PDGFA: variants seen among roughly 807,000 people sequenced by gnomAD.
PDGFA encodes the protein platelet derived growth factor subunit A.
A neutral mutation model predicts 25.6 loss-of-function variants in PDGFA; 9 were observed. That is an observed-to-expected ratio of 0.35 (90% CI 0.21 to 0.61). PDGFA has a LOEUF of 0.61. Among genes scored for constraint, PDGFA ranks in the 20% least tolerant of loss-of-function variants. The pLI is 0.75. For synonymous variants in PDGFA, 133 were observed against 111.8 expected, an observed-to-expected ratio of 1.19 and a Z score of -1.20; for missense variants, 242 against 272.8, an observed-to-expected ratio of 0.89 and a Z score of 0.79.
chr7:511,114 T>C, intron 3 of PDGFA, 118 bp from the exon 4 acceptor site: 1 of 754,014 alleles, frequency 1.3e-6, no homozygotes, highest in East Asian at 2.7e-5. Flanking sequence ...CAGGCCAGGA[T>C]TCCTCCCAGG....
chr7:511,326 A>T lies in PDGFA; in HGVS notation c.266-330T>A, dbSNP rs13234435. 3.9e-3 allele frequency among the ~76,000 whole-genome samples: 300 copies of T among 76,074 alleles called. 11 individuals carry two copies. Among genetic ancestry groups the T allele is most frequent in the African/African-American group, 0.015 (143 of 9,338 alleles). 49.9% of individuals were successfully genotyped at this position (76,074 alleles called of 152,430 possible). On this transcript the variant is annotated intron_variant, in intron 3 of 5. Transcript: ENST00000402802. ...GGGAACTTAGTCCAGGTGGGGCCAG[A>T]GACTGGGGGTGGGGAGAGGGGAACC...
intron 4 of PDGFA, among the ~76,000 whole-genome samples, chr7:503,895 G>A (rs1261760893): frequency 1.3e-5 from 2 of 152,144 alleles, no homozygotes; most frequent in Non-Finnish European, 2.9e-5. Flanking sequence ...GAGAGAAAGC[G>A]GCCAGGACAC....
chr7:520,264 C>G (rs915941076), upstream of PDGFA: 5 of 192,344 alleles, frequency 2.6e-5, no homozygotes, highest in Admixed American at 1.3e-4. Flanking sequence ...GGCCAGAGAG[C>G]CGGTCCCCGC....
chr7:505,088 G>T (rs1243196083), intron 4 of PDGFA, among the ~76,000 whole-genome samples: 1 of 152,224 alleles, frequency 6.6e-6, no homozygotes, highest in East Asian at 1.9e-4. Flanking sequence ...CCTCTGTCTG[G>T]CCAGGAAATA....
chr7:516,399 CT>C (rs1783102275), intron 2 of PDGFA, among the ~76,000 whole-genome samples: 1 of 152,188 alleles, frequency 6.6e-6, no homozygotes, highest in African/African-American at 2.4e-5. Flanking sequence ...CATGCCCCCC[CT>C]TTTTCAGAGT....
intron 2 of PDGFA, chr7:512,804 G>A: frequency 1.9e-6 from 1 of 522,612 alleles, no homozygotes; most frequent in Non-Finnish European, 3.0e-6. Context: ...GGTGAGGGCT[G>A]CCCCGGGGCA....
chr7:507,586 C>A (rs772613875), intron 4 of PDGFA, among the ~76,000 whole-genome samples: 1 of 152,208 alleles, frequency 6.6e-6, no homozygotes, highest in Non-Finnish European at 1.5e-5. Context: ...CTGCACAAGG[C>A]TGAGCCATGG....
At chr7:505,200 A>G (rs1199600006) in intron 4 of PDGFA, among the ~76,000 whole-genome samples, 1 of 152,190 alleles carries the variant, frequency 6.6e-6, no homozygotes, top group Admixed American at 6.5e-5. Context: ...CAATGTCCTC[A>G]GGACCCCCAC....
At chr7:502,361 C>CT (rs1198021210) in intron 4 of PDGFA, among the ~76,000 whole-genome samples, 1 of 102,746 alleles carries the variant, frequency 9.7e-6, no homozygotes, top group Admixed American at 9.5e-5. Flanking sequence ...CACCTCCCCG[C>CT]CGGCCCCAGG....
chr7:497,899 C>G (rs545380331), exon 6 of PDGFA: 16 of 21,990 alleles, frequency 7.3e-4, no homozygotes, highest in African/African-American at 2.5e-3. Context: ...AAAAGCTAGC[C>G]AAAGAGTAAA....
At chr7:499,782 T>C (rs2128388860) in intron 5 of PDGFA, among the ~76,000 whole-genome samples, 1 of 136,834 alleles carries the variant, frequency 7.3e-6, no homozygotes, top group South Asian at 2.4e-4. Context: ...TCTGGAGCTT[T>C]AGCAGCCACC....
intron 2 of PDGFA, chr7:512,767 C>T: frequency 1.1e-6 from 1 of 886,652 alleles, no homozygotes; most frequent in East Asian, 5.1e-5. Flanking sequence ...GTGGTCTCCC[C>T]TACGGTGCCT....
chr7:499,534 G>A (rs923685924), intron 5 of PDGFA, among the ~76,000 whole-genome samples: 4 of 152,234 alleles, frequency 2.6e-5, no homozygotes, highest in Admixed American at 6.5e-5. Flanking sequence ...GGACCAGGAA[G>A]GCTTGAAACT....
At chr7:519,013 G>A (rs913293764) in exon 1 of PDGFA, 5 of 1,526,746 alleles carry the variant, frequency 3.3e-6, no homozygotes, top group African/African-American at 1.4e-5. Context: ...GCGTCCCGAG[G>A]CGCTGGCTGC....
In PDGFA at chr7:501,710, G is replaced by A. The variant is rs185573007; in HGVS notation, c.454-468C>T. On this transcript the variant is annotated intron_variant, in intron 4 of 5. Transcript: ENST00000402802. The stretch of plus-strand genomic sequence containing the variant: ...AGTGCTGGAACTTCAAGTGAGAGCC[G>A]CCGCGCCTGGTGTTGGAGCATGGTA... Among the ~76,000 whole-genome samples the A allele has an allele frequency of 6.7e-3, 1,020 of 152,200 alleles. 13 individuals carry two copies. Among genetic ancestry groups the A allele is most frequent in the South Asian group, 0.04 (193 of 4,824 alleles).
exon 3 of PDGFA, chr7:512,417 C>G (rs144981584): frequency 2.5e-6 from 4 of 1,613,692 alleles, no homozygotes; most frequent in Non-Finnish European, 8.5e-7. Context: ...GCATGGACCC[C>G]GTGAGCTCTC....
At chr7:499,451 G>A (rs1782227884) in intron 5 of PDGFA, among the ~76,000 whole-genome samples, 1 of 152,214 alleles carries the variant, frequency 6.6e-6, no homozygotes, top group African/African-American at 2.4e-5. Flanking sequence ...CCACCATGGA[G>A]TCCCACGTGC....
At chr7:519,824 C>T (rs1471611063), upstream of PDGFA, 2 of 147,266 alleles carry the variant, frequency 1.4e-5, no homozygotes, top group African/African-American at 5.0e-5. Context: ...CGGAGTTGGG[C>T]GGGCTCCGCA....
intron 5 of PDGFA, 56 bp from the exon 6 acceptor site, chr7:498,630 G>A: frequency 7.1e-6 from 11 of 1,557,966 alleles, no homozygotes; most frequent in South Asian, 4.5e-5. Context: ...GAACCACCCA[G>A]CACACACATG....
Sources: allele counts gnomAD v4.1 joint callset (sites outside exome capture counted in the v4.1 genomes callset), GRCh38; gene constraint gnomAD v4.1.1; transcripts MANE v1.5; gene names NCBI Gene and HGNC (gene_info 2026-07-23, HGNC 2026-07-21).